TACC2: variants seen among roughly 807,000 people sequenced by gnomAD.
TACC2 encodes the protein transforming acidic coiled-coil containing protein 2.
A neutral mutation model predicts 227.3 loss-of-function variants in TACC2; 137 were observed. The observed-to-expected ratio is 0.60, with a 90% confidence interval of 0.52 to 0.69. The LOEUF (loss-of-function observed/expected upper bound fraction) is 0.69. Ranked by LOEUF, TACC2 falls within the 30% of genes least tolerant of loss-of-function variation. TACC2 has a pLI of 0.00. For synonymous variants in TACC2, 1,523 were observed against 1,487.5 expected, an observed-to-expected ratio of 1.02 and a Z score of -0.55; for missense variants, 3,470 against 3,694.4, an observed-to-expected ratio of 0.94 and a Z score of 1.57.
chr10:122,248,893 G>A (rs2096189674), intron 20 of TACC2, 90 bp downstream of exon 20: 4 of 1,573,270 alleles, frequency 2.5e-6, no homozygotes, highest in Non-Finnish European at 3.5e-6. Flanking sequence ...CCAGAAGTTG[G>A]TCTTGAGCCA....
At chr10:122,004,347 A>C (rs1954796136) in intron 1 of TACC2, among the ~76,000 whole-genome samples, 1 of 151,822 alleles carries the variant, frequency 6.6e-6, no homozygotes, top group African/African-American at 2.4e-5. Context: ...GCAGTGAGAC[A>C]AAATCGTGCT....
chr10:122,206,431 C>T (rs1333908111), intron 8 of TACC2, among the ~76,000 whole-genome samples: 2 of 152,174 alleles, frequency 1.3e-5, no homozygotes, highest in Admixed American at 1.3e-4. Flanking sequence ...TGAATGGGTT[C>T]ATACGGGTGG....
chr10:122,182,355 T>C (rs1276518184), intron 7 of TACC2, among the ~76,000 whole-genome samples: 1 of 152,242 alleles, frequency 6.6e-6, no homozygotes, highest in Non-Finnish European at 1.5e-5. Flanking sequence ...GAGCATGTTA[T>C]CCATGGCAGG....
intron 7 of TACC2, among the ~76,000 whole-genome samples, chr10:122,159,234 G>A (rs988791146): frequency 1.3e-5 from 2 of 152,342 alleles, no homozygotes; most frequent in East Asian, 1.9e-4. Context: ...CCAGGAGGTC[G>A]GATTGGGACT....
intron 7 of TACC2, among the ~76,000 whole-genome samples, chr10:122,155,829 GA>G (rs1453326439): frequency 8.9e-4 from 120 of 134,948 alleles, no homozygotes; most frequent in African/African-American, 2.9e-3. Flanking sequence ...TTAATAGTGG[GA>G]AAATTTTTTT....
chr10:122,220,175 GTACT>G (rs1463324258), intron 11 of TACC2, among the ~76,000 whole-genome samples: 1 of 151,752 alleles, frequency 6.6e-6, no homozygotes. Context: ...AATACTAACA[GTACT>G]TTTAGGGCTA....
intron 7 of TACC2, among the ~76,000 whole-genome samples, chr10:122,161,774 A>G (rs1253135408): frequency 6.6e-6 from 1 of 152,262 alleles, no homozygotes; most frequent in Non-Finnish European, 1.5e-5. Context: ...GGCTTGGCTG[A>G]AGGCCAGTTC....
intron 5 of TACC2, among the ~76,000 whole-genome samples, chr10:122,098,434 T>C (rs1400312094): frequency 2.0e-5 from 3 of 152,164 alleles, no homozygotes; most frequent in African/African-American, 7.2e-5. Flanking sequence ...AGTCTGAGGG[T>C]TCCTGTCCTG....
intron 7 of TACC2, among the ~76,000 whole-genome samples, chr10:122,167,254 T>C (rs910858343): frequency 3.3e-5 from 5 of 152,318 alleles, no homozygotes; most frequent in Non-Finnish European, 5.9e-5. Flanking sequence ...AAACCCATAC[T>C]CTGTAGACCT....
chr10:122,072,086 C>G (rs946434955), intron 3 of TACC2, among the ~76,000 whole-genome samples: 3 of 148,610 alleles, frequency 2.0e-5, no homozygotes, highest in African/African-American at 7.5e-5. Flanking sequence ...TCACACCATT[C>G]TCCTGCCTCA....
intron 5 of TACC2, among the ~76,000 whole-genome samples, chr10:122,120,459 G>T (rs1392892246): frequency 6.6e-6 from 1 of 152,136 alleles, no homozygotes; most frequent in Non-Finnish European, 1.5e-5. Flanking sequence ...TAGAGCCACC[G>T]CGGGTGCCCT....
At chr10:122,153,271 T>C (rs1407371592) in intron 7 of TACC2, among the ~76,000 whole-genome samples, 1 of 152,222 alleles carries the variant, frequency 6.6e-6, no homozygotes, top group African/African-American at 2.4e-5. Flanking sequence ...ATTATAGGCA[T>C]AAGCCATAGC....
chr10:122,039,233 C>T (rs2073956560), intron 2 of TACC2, among the ~76,000 whole-genome samples: 1 of 152,164 alleles, frequency 6.6e-6, no homozygotes, highest in Non-Finnish European at 1.5e-5. Context: ...ACCTTGGCCT[C>T]CCAAAGTACT....
At chr10:122,149,234 G>C (rs1402068932) in intron 7 of TACC2, among the ~76,000 whole-genome samples, 2 of 152,232 alleles carry the variant, frequency 1.3e-5, no homozygotes, top group Non-Finnish European at 2.9e-5. Flanking sequence ...TCTCTGTTCA[G>C]AGTTGGCCTC....
intron 7 of TACC2, among the ~76,000 whole-genome samples, chr10:122,144,514 G>A (rs1272698567): frequency 3.3e-5 from 5 of 152,290 alleles, no homozygotes; most frequent in South Asian, 4.1e-4. Context: ...GGCAGGCCTC[G>A]GTCCTCAGGG....
intron 11 of TACC2, among the ~76,000 whole-genome samples, chr10:122,222,470 CT>C (rs2095540969): frequency 6.6e-6 from 1 of 152,212 alleles, no homozygotes; most frequent in Non-Finnish European, 1.5e-5. Context: ...GAGTGCGGGC[CT>C]TCTGAAACCA....
At chr10:122,161,761 C>T (rs1048128150) in intron 7 of TACC2, among the ~76,000 whole-genome samples, 1 of 152,224 alleles carries the variant, frequency 6.6e-6, no homozygotes, top group African/African-American at 2.4e-5. Flanking sequence ...TTTCTGAGTA[C>T]GAGGCTTGGC....
intron 5 of TACC2, among the ~76,000 whole-genome samples, chr10:122,095,852 A>T (rs528514210): frequency 6.6e-6 from 1 of 152,222 alleles, no homozygotes; most frequent in Non-Finnish European, 1.5e-5. Flanking sequence ...GGCTGGTGCC[A>T]CTAAGGAACC....
intron 21 of TACC2, 46 bp downstream of exon 21, chr10:122,249,202 C>T: frequency 6.9e-7 from 1 of 1,445,710 alleles, no homozygotes; most frequent in Non-Finnish European, 9.6e-7. Context: ...CTCCCAGCAG[C>T]CCTTTTACCC....
Sources: gnomAD v4.1 joint callset for allele counts (sites outside exome capture counted in the v4.1 genomes callset) on GRCh38, gnomAD v4.1.1 for gene constraint, MANE v1.5 for transcripts, NCBI Gene and HGNC (gene_info 2026-07-23, HGNC 2026-07-21) for gene names.